Variants in CCBE1 observed in about 807,000 individuals in gnomAD.
CCBE1 encodes collagen and calcium binding EGF domains 1.
A neutral mutation model predicts 50.0 loss-of-function variants in CCBE1; 37 were observed. The observed-to-expected ratio is 0.74, with a 90% CI of 0.57 to 0.97. The LOEUF (loss-of-function observed/expected upper bound fraction) is 0.97, where lower values mean the gene tolerates loss of function less well. Among genes scored for constraint, CCBE1 ranks in the 50% least tolerant of loss-of-function variants. The pLI, the probability that CCBE1 is intolerant of heterozygous loss-of-function variation, is 0.00. For missense variants in CCBE1, 538 were observed against 523.8 expected (o/e 1.03, Z -0.26); for synonymous variants, 234 against 203.7 (o/e 1.15, Z -1.27).
Position 59,543,848 on chromosome 18 carries a change from A to AAAAAAAG in CCBE1, c.213-63611_213-63610insCTTTTTT, listed in dbSNP as rs1555690365. Reference sequence around the variant, plus strand: ...AGACTCCGTCTCAAAAAAAAAAAAAAAAAAAAAAAACAGAAAACACTAATG... The same window carrying AAAAAAAG: ...AGACTCCGTCTCAAAAAAAAAAAAAAAAAAAAGAAAAAAAAAACAGAAAACACTAATG... On this transcript the variant is annotated intron_variant, in intron 2 of 10. Coordinates refer to ENST00000439986, the MANE Select transcript of CCBE1 (RefSeq NM_133459.4). Among the ~76,000 whole-genome samples, 520 of 134,190 alleles carry AAAAAAAG rather than the reference A, an allele frequency of 3.9e-3. 6 individuals carry two copies. Among genetic ancestry groups the AAAAAAAG allele is most frequent in the African/African-American group, 0.015 (497 of 32,926 alleles). The allele number at this position is 134,190 out of a possible 152,430, so 88.0% of individuals were successfully genotyped here. A position where few individuals can be genotyped will look rare whatever the true frequency, so the allele number is the denominator to read the frequency against.
At chr18:59,668,982 C>T (rs1355896872) in intron 2 of CCBE1, among the ~76,000 whole-genome samples, 5 of 151,752 alleles carry the variant, frequency 3.3e-5, no homozygotes, top group Admixed American at 1.3e-4. Flanking sequence ...TACAGACACA[C>T]GCCACAACAC....
At chr18:59,645,840 G>A (rs183594986) in intron 2 of CCBE1, among the ~76,000 whole-genome samples, 154 of 152,276 alleles carry the variant, frequency 1.0e-3, no homozygotes, top group Middle Eastern at 3.4e-3. Flanking sequence ...GACCATCCTG[G>A]CTAACACGGT....
chr18:59,571,235 T>C (rs1429666949), intron 2 of CCBE1, among the ~76,000 whole-genome samples: 1 of 152,212 alleles, frequency 6.6e-6, no homozygotes, highest in Non-Finnish European at 1.5e-5. Flanking sequence ...CTTTTCCTTA[T>C]GTGTTTCTTC....
At chr18:59,503,883 C>T (rs1317392837) in intron 2 of CCBE1, among the ~76,000 whole-genome samples, 1 of 152,172 alleles carries the variant, frequency 6.6e-6, no homozygotes, top group Non-Finnish European at 1.5e-5. Context: ...CCTTACTCTC[C>T]ACCTATGGGT....
chr18:59,434,785 T>G lies in CCBE1; in HGVS notation c.*1123A>C, dbSNP rs1910079392. ...CCATCCAAGATAACTTTCAATAGTG[T>G]ATTACTCTCAATATGTTGGTGGCAA... On this transcript the variant is annotated 3_prime_UTR_variant, in exon 11 of 11. Coordinates refer to ENST00000439986, the MANE Select transcript of CCBE1 (RefSeq NM_133459.4). The G allele has an allele frequency of 6.6e-6, 1 of 152,208 alleles. No individual in the cohort carries two copies. The highest frequency in any genetic ancestry group is 1.5e-5 in the Non-Finnish European group (1 of 68,034). 9.4% of individuals were successfully genotyped at this position (152,208 alleles called of 1,614,324 possible).
intron 2 of CCBE1, among the ~76,000 whole-genome samples, chr18:59,522,984 ACT>A (rs1158497513): frequency 6.7e-5 from 7 of 104,324 alleles, no homozygotes; most frequent in Admixed American, 1.0e-4. Flanking sequence ...AGAGTGAGAG[ACT>A]CTGTTTCAAA....
intron 2 of CCBE1, among the ~76,000 whole-genome samples, chr18:59,549,909 C>A (rs60078767): frequency 7.9e-5 from 12 of 152,184 alleles, no homozygotes; most frequent in Non-Finnish European, 1.5e-4. Context: ...TGCAGATAAG[C>A]AAGCTGAGAC....
At position 59,430,958 on chromosome 18, in the gene CCBE1, A is replaced by G. The variant is rs1909927954; in HGVS notation, c.*4950T>C. 6.6e-6 allele frequency: 1 copy of G among 152,280 alleles called. No individual in the cohort carries two copies. Among genetic ancestry groups the G allele is most frequent in the Admixed American group, 6.5e-5 (1 of 15,284 alleles). The allele number at this position is 152,280 out of a possible 1,614,324, so 9.4% of individuals were successfully genotyped here. On this transcript the variant is annotated 3_prime_UTR_variant, in exon 11 of 11. Coordinates refer to ENST00000439986, the MANE Select transcript of CCBE1 (RefSeq NM_133459.4). The stretch of plus-strand genomic sequence containing the variant: ...GCAATGTAAGAAAAATAACTTTGTT[A>G]TTAAGCATATACAATCATAACAAAA...
intron 5 of CCBE1, among the ~76,000 whole-genome samples, chr18:59,460,931 T>A (rs1176533892): frequency 1.3e-5 from 1 of 75,348 alleles, no homozygotes; most frequent in Non-Finnish European, 3.0e-5. Context: ...GGAGACTCTG[T>A]CTCAAAAATA....
intron 2 of CCBE1, among the ~76,000 whole-genome samples, chr18:59,507,346 C>T (rs1225588880): frequency 6.6e-6 from 1 of 152,216 alleles, no homozygotes; most frequent in East Asian, 1.9e-4. Flanking sequence ...CACATCCCAT[C>T]CATGCCCAGA....
Position 59,439,509 on chromosome 18 carries a change from C to T in CCBE1, c.951+34G>A, listed in dbSNP as rs774660389. 5.6e-6 allele frequency: 9 copies of T among 1,613,356 alleles called. No individual in the cohort carries two copies. The South Asian group carries it at 7.7e-5, about 14-fold the overall frequency. On this transcript the variant is annotated intron_variant, in intron 9 of 10. Transcript: ENST00000439986. ...AAACAAAAAAATCGAAAGTGAGAGA[C>T]CTTTAGCTTGTGAGGACCACTCATA...
rs201083778 is a variant in CCBE1, at chr18:59,477,317, ACGTCT to A, written c.265+2864_265+2868del. Among the ~76,000 whole-genome samples, 498 of 152,330 alleles carry A rather than the reference ACGTCT, an allele frequency of 3.3e-3. 3 individuals are homozygous for A. The highest frequency in any genetic ancestry group is 0.011 in the African/African-American group (470 of 41,578). ...CAACAACTCAATTCAGGCAGGGCTA[ACGTCT>A]CAGATCCTTCAGGAATGAAGGTGTG... On this transcript the variant is annotated intron_variant, in intron 3 of 10. Coordinates refer to ENST00000439986, the MANE Select transcript of CCBE1 (RefSeq NM_133459.4).
chr18:59,493,036 G>A (rs1230210012), intron 2 of CCBE1, among the ~76,000 whole-genome samples: 2 of 152,216 alleles, frequency 1.3e-5, no homozygotes, highest in African/African-American at 4.8e-5. Flanking sequence ...CTGTATAAAT[G>A]TGGCATTTCC....
intron 2 of CCBE1, among the ~76,000 whole-genome samples, chr18:59,633,625 A>C (rs1027022728): frequency 6.6e-6 from 1 of 152,224 alleles, no homozygotes; most frequent in African/African-American, 2.4e-5. Context: ...GTGACCCTAG[A>C]GGCAAAACAT....
chr18:59,504,177 G>C (rs1913759974), intron 2 of CCBE1, among the ~76,000 whole-genome samples: 1 of 152,098 alleles, frequency 6.6e-6, no homozygotes, highest in Non-Finnish European at 1.5e-5. Context: ...CTCTGTGTAA[G>C]TCATCTCATC....
intron 2 of CCBE1, among the ~76,000 whole-genome samples, chr18:59,639,660 A>C (rs527349014): frequency 6.6e-6 from 1 of 152,342 alleles, no homozygotes; most frequent in South Asian, 2.1e-4. Flanking sequence ...GGCAAGAGAA[A>C]GAAATAAAAG....
chr18:59,687,802 T>TA (rs1289526755), intron 2 of CCBE1, among the ~76,000 whole-genome samples: 1 of 152,008 alleles, frequency 6.6e-6, no homozygotes, highest in Non-Finnish European at 1.5e-5. Context: ...CTACTAAAAA[T>TA]ACAAAAAAAT....
At chr18:59,547,064 G>GATA (rs1568199177) in intron 2 of CCBE1, among the ~76,000 whole-genome samples, 1 of 106,858 alleles carries the variant, frequency 9.4e-6, no homozygotes, top group Non-Finnish European at 1.9e-5. Flanking sequence ...GGAGAGAGGG[G>GATA]GAGAGAGGGG....
intron 2 of CCBE1, among the ~76,000 whole-genome samples, chr18:59,582,149 T>G (rs1262232874): frequency 1.3e-5 from 2 of 152,168 alleles, no homozygotes; most frequent in Non-Finnish European, 2.9e-5. Context: ...CTCTCTTCCT[T>G]CGTCTTCACC....
Sources: gnomAD v4.1 joint callset for allele counts (sites outside exome capture counted in the v4.1 genomes callset) on GRCh38, gnomAD v4.1.1 for gene constraint, MANE v1.5 for transcripts, NCBI Gene and HGNC (gene_info 2026-07-23, HGNC 2026-07-21) for gene names.